The following ADGRL2 variants were observed in gnomAD, a reference collection of about 807,000 sequenced individuals.
The protein encoded by ADGRL2 is calcium-independent alpha-latrotoxin receptor 2.
Under a neutral mutation model 157.4 loss-of-function variants are expected in ADGRL2, and 44 were observed. That is an observed-to-expected ratio of 0.28 (90% confidence interval 0.22 to 0.36). The LOEUF (loss-of-function observed/expected upper bound fraction) is 0.36. ADGRL2 is among the 10% of genes least tolerant of loss of function. The probability of loss-of-function intolerance (pLI) is 1.00; values close to 1 mark genes in which losing one functional copy is unlikely to be tolerated. For synonymous variants in ADGRL2, 585 were observed against 624.7 expected, an observed-to-expected ratio of 0.94 and a Z score of 0.95; for missense variants, 1,510 against 1,768.9, an observed-to-expected ratio of 0.85 and a Z score of 2.63.
chr1:81,749,689 G>A (rs1197902968), intron 1 of ADGRL2, among the ~76,000 whole-genome samples: 3 of 152,156 alleles, frequency 2.0e-5, no homozygotes, highest in Non-Finnish European at 4.4e-5. Flanking sequence ...TTGTTGAAAA[G>A]ATTTCTAAAA....
intron 1 of ADGRL2, among the ~76,000 whole-genome samples, chr1:81,425,289 T>C (rs2077192326): frequency 6.6e-6 from 1 of 152,202 alleles, no homozygotes; most frequent in African/African-American, 2.4e-5. Context: ...CAGGCACTTA[T>C]ATACTCTAAA....
intron 2 of ADGRL2, among the ~76,000 whole-genome samples, chr1:81,785,308 G>A (rs1420748750): frequency 6.6e-6 from 1 of 152,178 alleles, no homozygotes; most frequent in East Asian, 1.9e-4. Context: ...AAAAGGAGAG[G>A]AGTATTTCAA....
intron 1 of ADGRL2, among the ~76,000 whole-genome samples, chr1:81,442,150 C>A (rs576575827): frequency 6.6e-6 from 1 of 152,236 alleles, no homozygotes; most frequent in African/African-American, 2.4e-5. Flanking sequence ...TGTATCTAAG[C>A]TCTCTAGAAA....
Position 81,943,251 on chromosome 1 carries a change from G to C in ADGRL2, c.692G>C (p.Arg231Thr). The change falls in exon 6 of 24, where the codon AGG becomes ACG. Residue 231 changes from arginine to threonine, a missense_variant. Physicochemically the swap from Arg to Thr is moderately conservative, Grantham distance 71. This residue lies in a region of ADGRL2 where 361 missense variants were observed against 498.4 expected (regional missense o/e 0.72). Transcript: ENST00000686636. The surrounding 1 kb of genome is among the most constrained non-coding windows in gnomAD (Gnocchi z 5.6). ...GTCTTCTTTAACAAAGAAAGAACGA[G>C]GAATATTGTGAAATTTGACTTGAGG... ...GAVFFNKERT[R>T]NIVKFDLRTR... is the part of the protein sequence containing the mutation. 6.2e-7 allele frequency: 1 copy of C among 1,613,602 alleles called. No homozygotes were observed. Among genetic ancestry groups the C allele is most frequent in the South Asian group, 1.1e-5 (1 of 91,068 alleles).
chr1:81,828,371 T>G (rs552449001), intron 1 of ADGRL2, among the ~76,000 whole-genome samples: 1 of 152,336 alleles, frequency 6.6e-6, no homozygotes, highest in South Asian at 2.1e-4. Context: ...GCTCAAGAGA[T>G]TGGAAAATTC....
chr1:81,367,987 T>TA (rs1409946170), intron 1 of ADGRL2, among the ~76,000 whole-genome samples: 1 of 152,244 alleles, frequency 6.6e-6, no homozygotes, highest in Non-Finnish European at 1.5e-5. Flanking sequence ...ATAGTGAACA[T>TA]ACACGTGCAT....
chr1:81,549,823 G>A (rs2080101783), intron 2 of ADGRL2, among the ~76,000 whole-genome samples: 2 of 152,190 alleles, frequency 1.3e-5, no homozygotes, highest in African/African-American at 2.4e-5. Flanking sequence ...GAAAGGATGA[G>A]TGAGAGAGGT....
intron 2 of ADGRL2, among the ~76,000 whole-genome samples, chr1:81,578,224 G>A (rs957664372): frequency 6.6e-6 from 1 of 152,090 alleles, no homozygotes; most frequent in Non-Finnish European, 1.5e-5. Flanking sequence ...GTCAGAAAGA[G>A]GAAGGAAAAA....
At chr1:81,595,778 T>G (rs1451091881) in intron 3 of ADGRL2, among the ~76,000 whole-genome samples, 1 of 152,236 alleles carries the variant, frequency 6.6e-6, no homozygotes, top group Non-Finnish European at 1.5e-5. Flanking sequence ...TAGTTCTATA[T>G]CTGAGTGTCT....
At chr1:81,912,062 TA>T (rs2094737785) in intron 3 of ADGRL2, among the ~76,000 whole-genome samples, 1 of 150,610 alleles carries the variant, frequency 6.6e-6, no homozygotes, top group African/African-American at 2.5e-5. Context: ...ATGTTTCTTT[TA>T]TTTTTTTTTA....
chr1:81,415,012 A>G lies in ADGRL2; in HGVS notation c.-301-30024A>G, dbSNP rs377630910. On this transcript the variant is annotated intron_variant, in intron 1 of 24. Transcript: ENST00000370721. ...TCTCCTAGACTACACAATGCTACCAACTGACAACAGACGTTGTGTAAAGAA... is the reference window on the plus strand; with the variant it reads ...TCTCCTAGACTACACAATGCTACCAGCTGACAACAGACGTTGTGTAAAGAA... Among the ~76,000 whole-genome samples the G allele has an allele frequency of 4.6e-5, 7 of 152,290 alleles. No individual in the cohort carries two copies. The East Asian group carries it at 1.4e-3, about 30-fold the overall frequency.
At chr1:81,464,711 G>A (rs984692860) in intron 2 of ADGRL2, among the ~76,000 whole-genome samples, 1 of 152,106 alleles carries the variant, frequency 6.6e-6, no homozygotes, top group African/African-American at 2.4e-5. Context: ...ATTTTGTATA[G>A]CTCTAAGTTT....
At chr1:81,600,277 C>T (rs768951171) in intron 3 of ADGRL2, among the ~76,000 whole-genome samples, 11 of 152,202 alleles carry the variant, frequency 7.2e-5, no homozygotes, top group Non-Finnish European at 1.5e-4. Flanking sequence ...AAACTAACCC[C>T]GGAGGAACTT....
intron 2 of ADGRL2, among the ~76,000 whole-genome samples, chr1:81,548,491 CT>C (rs1350214439): frequency 6.6e-6 from 1 of 151,794 alleles, no homozygotes; most frequent in Non-Finnish European, 1.5e-5. Context: ...CAATTAAATA[CT>C]GTTAAGTAGC....
rs537410775 is a variant in ADGRL2, at chr1:81,484,906, C to G, written c.-248+39817C>G. Among the ~76,000 whole-genome samples the G allele has an allele frequency of 5.0e-4, 76 of 152,146 alleles. 1 individual carries two copies. Among genetic ancestry groups the G allele is most frequent in the African/African-American group, 1.8e-3 (73 of 41,504 alleles). On this transcript the variant is annotated intron_variant, in intron 2 of 24. Coordinates refer to the ADGRL2 transcript ENST00000370721. ...GTATAAGCAAATGAGAGATTCTACC[C>G]ATAAGGTGTTTACAAAATCCAGTTT...
At chr1:81,836,317 G>A (rs2092278734) in intron 1 of ADGRL2, among the ~76,000 whole-genome samples, 1 of 152,070 alleles carries the variant, frequency 6.6e-6, no homozygotes, top group African/African-American at 2.4e-5. Context: ...AAAAGTTTGT[G>A]ATTTCCTTTC....
intron 2 of ADGRL2, chr1:81,503,495 C>A: frequency 6.2e-7 from 1 of 1,608,340 alleles, no homozygotes; most frequent in Non-Finnish European, 8.5e-7. Flanking sequence ...TTTCCACTTG[C>A]CACTCTCCAG....
intron 3 of ADGRL2, among the ~76,000 whole-genome samples, chr1:81,917,836 A>ATGGT (rs774194505): frequency 0.16 from 25,070 of 152,146 alleles, 2,506 homozygotes; most frequent in Middle Eastern, 0.31. Context: ...CTCTGTCTCT[A>ATGGT]AAGATAGATT....
chr1:81,603,799 G>C (rs897167738), intron 3 of ADGRL2, among the ~76,000 whole-genome samples: 3 of 152,164 alleles, frequency 2.0e-5, no homozygotes, highest in African/African-American at 7.2e-5. Flanking sequence ...GGCGAGTCCT[G>C]TTCGTTGTCT....
Sources: gnomAD v4.1 joint callset for allele counts (sites outside exome capture counted in the v4.1 genomes callset) on GRCh38, gnomAD v4.1.1 for gene constraint, gnomAD v4.1.1 regional missense constraint, Gnocchi (gnomAD v3.1) non-coding constraint, MANE v1.5 for transcripts, NCBI Gene and HGNC (gene_info 2026-07-23, HGNC 2026-07-21) for gene names.